HAPLN1: variants seen among roughly 807,000 people sequenced by gnomAD.
The protein encoded by HAPLN1 is Cartilage link protein.
Under a neutral mutation model 36.5 loss-of-function variants are expected in HAPLN1, and 13 were observed. The ratio of observed to expected loss-of-function variants is 0.36; its 90% confidence interval spans 0.23 to 0.57. The LOEUF is 0.57. HAPLN1 is among the 20% of genes least tolerant of loss of function. HAPLN1 has a pLI of 0.83. For missense variants in HAPLN1, 407 were observed against 439.7 expected, an observed-to-expected ratio of 0.93 and a Z score of 0.66; for synonymous variants, 202 against 169.8, an observed-to-expected ratio of 1.19 and a Z score of -1.48.
chr5:83,641,827 T>G, intron 4 of HAPLN1, 42 bp from the exon 5 acceptor site: 1 of 1,588,606 alleles, frequency 6.3e-7, no homozygotes, highest in Non-Finnish European at 8.6e-7. Context: ...TGGTCTTCAA[T>G]TGAGCCACAC....
intron 2 of HAPLN1, among the ~76,000 whole-genome samples, chr5:83,668,206 T>C (rs992502900): frequency 2.4e-4 from 37 of 152,018 alleles, no homozygotes; most frequent in African/African-American, 8.9e-4. Flanking sequence ...TAGAGACAGA[T>C]GACAAACAAT....
In HAPLN1 at chr5:83,657,736, G is replaced by A. The variant is rs527716004; in HGVS notation, c.101-4912C>T. Reference sequence around the variant, plus strand: ...TGCAAGCTAGCCAGGCTTGATGTTGGTTACTTTTTCCACTGGTGTATGGAT... The same window carrying A: ...TGCAAGCTAGCCAGGCTTGATGTTGATTACTTTTTCCACTGGTGTATGGAT... On this transcript the variant is annotated intron_variant, in intron 2 of 4. Transcript: ENST00000274341. Among the ~76,000 whole-genome samples, 7 of 151,472 alleles carry A rather than the reference G, an allele frequency of 4.6e-5. No individual in the cohort carries two copies. In the East Asian group the frequency reaches 1.2e-3, roughly 25 times the overall value.
intron 1 of HAPLN1, among the ~76,000 whole-genome samples, chr5:83,700,906 T>C (rs1399745608): frequency 6.6e-6 from 1 of 152,200 alleles, no homozygotes; most frequent in African/African-American, 2.4e-5. Flanking sequence ...AACTCTGCAT[T>C]AACATTTATT....
intron 1 of HAPLN1, among the ~76,000 whole-genome samples, chr5:83,719,370 T>A (rs527795001): frequency 2.0e-5 from 3 of 152,360 alleles, no homozygotes; most frequent in African/African-American, 7.2e-5. Flanking sequence ...TTAATTAGCC[T>A]TAAGTAAAAT....
chr5:83,674,078 C>CAA (rs1023937132), intron 1 of HAPLN1: 1 of 152,230 alleles, frequency 6.6e-6, no homozygotes, highest in African/African-American at 2.4e-5. Context: ...AAAAGAGGAC[C>CAA]AAAAAAAAGT....
chr5:83,711,820 C>A (rs549619381), intron 1 of HAPLN1, among the ~76,000 whole-genome samples: 1 of 151,998 alleles, frequency 6.6e-6, no homozygotes, highest in Non-Finnish European at 1.5e-5. Flanking sequence ...ACGAACTAGG[C>A]TTGGTCAAAG....
chr5:83,677,661 A>T (rs1030930427), intron 1 of HAPLN1, among the ~76,000 whole-genome samples: 9 of 152,222 alleles, frequency 5.9e-5, no homozygotes, highest in African/African-American at 1.9e-4. Flanking sequence ...TCTCACAACC[A>T]GTACAACAGG....
intron 1 of HAPLN1, among the ~76,000 whole-genome samples, chr5:83,690,335 G>A (rs1377485415): frequency 6.6e-6 from 1 of 152,032 alleles, no homozygotes; most frequent in Admixed American, 6.6e-5. Context: ...GATCATAAAA[G>A]CCAAAGTTAC....
intron 1 of HAPLN1, among the ~76,000 whole-genome samples, chr5:83,699,297 T>G (rs1304340934): frequency 1.3e-5 from 2 of 152,234 alleles, no homozygotes; most frequent in Non-Finnish European, 2.9e-5. Context: ...GACTCCACTT[T>G]GTTAGGGCAA....
intron 2 of HAPLN1, 143 bp downstream of exon 2, chr5:83,673,281 A>G (rs969558391): frequency 3.4e-6 from 2 of 595,944 alleles, no homozygotes; most frequent in East Asian, 5.9e-5. Context: ...TTTAAAAGCC[A>G]GGGAACACGT....
intron 1 of HAPLN1, among the ~76,000 whole-genome samples, chr5:83,675,609 T>C (rs972936091): frequency 1.3e-5 from 2 of 152,144 alleles, no homozygotes; most frequent in African/African-American, 4.8e-5. Context: ...TTCCATACCA[T>C]AGTATTTAAA....
chr5:83,702,930 T>A (rs1751544713), intron 1 of HAPLN1, among the ~76,000 whole-genome samples: 1 of 152,166 alleles, frequency 6.6e-6, no homozygotes, highest in East Asian at 1.9e-4. Context: ...CAGGCTGGTC[T>A]TGAACTCTTG....
At chr5:83,652,881 T>G in intron 2 of HAPLN1, 57 bp from the exon 3 acceptor site, 2 of 1,423,806 alleles carry the variant, frequency 1.4e-6, no homozygotes, top group Non-Finnish European at 1.9e-6. Context: ...TTCAGACATT[T>G]TCATAAAATG....
intron 1 of HAPLN1, among the ~76,000 whole-genome samples, chr5:83,685,131 A>G (rs1473029320): frequency 6.6e-6 from 1 of 152,214 alleles, no homozygotes; most frequent in Non-Finnish European, 1.5e-5. Context: ...GTTATATCAA[A>G]AGATTGTCAA....
At chr5:83,667,462 C>G (rs1212777363) in intron 2 of HAPLN1, among the ~76,000 whole-genome samples, 3 of 151,670 alleles carry the variant, frequency 2.0e-5, no homozygotes, top group Non-Finnish European at 4.4e-5. Context: ...GAATTATTAA[C>G]TATATATATA....
chr5:83,689,587 G>T (rs545717618), intron 1 of HAPLN1, among the ~76,000 whole-genome samples: 1 of 152,070 alleles, frequency 6.6e-6, no homozygotes, highest in African/African-American at 2.4e-5. Context: ...GGCTGCAGTG[G>T]AATGATAATA....
intron 1 of HAPLN1, among the ~76,000 whole-genome samples, chr5:83,692,167 A>C (rs1751291305): frequency 1.3e-5 from 2 of 151,926 alleles, no homozygotes; most frequent in African/African-American, 4.8e-5. Flanking sequence ...TAAGTGGCCA[A>C]AACATACGTA....
intron 1 of HAPLN1, among the ~76,000 whole-genome samples, chr5:83,708,274 C>T (rs1751697624): frequency 6.6e-6 from 1 of 152,170 alleles, no homozygotes; most frequent in Non-Finnish European, 1.5e-5. Context: ...ATATTCATTG[C>T]AGCTCTATTG....
chr5:83,646,678 G>T (rs1163562085), intron 3 of HAPLN1, among the ~76,000 whole-genome samples: 1 of 152,190 alleles, frequency 6.6e-6, no homozygotes, highest in Non-Finnish European at 1.5e-5. Flanking sequence ...AGCCTCTCTT[G>T]GTTGCCACTA....
Sources: gnomAD v4.1 joint callset for allele counts (sites outside exome capture counted in the v4.1 genomes callset) on GRCh38, gnomAD v4.1.1 for gene constraint, MANE v1.5 for transcripts, NCBI Gene and HGNC (gene_info 2026-07-23, HGNC 2026-07-21) for gene names.